Variants in RBFOX1 observed in about 807,000 individuals in gnomAD.
RBFOX1 encodes RNA binding protein fox-1 homolog 1.
Under a neutral mutation model 57.7 loss-of-function variants are expected in RBFOX1, and 8 were observed. The observed-to-expected ratio is 0.14, with a 90% CI of 0.08 to 0.25. RBFOX1 has a LOEUF of 0.25. Among genes scored for constraint, RBFOX1 ranks in the 10% least tolerant of loss-of-function variants. RBFOX1 has a pLI of 1.00. For missense variants in RBFOX1, 611 were observed against 548.5 expected (o/e 1.11, Z -1.14); for synonymous variants, 326 against 222.4 (o/e 1.47, Z -4.15).
Position 7,401,224 on chromosome 16 carries a change from TTC to T in RBFOX1, c.28-116917_28-116916del, listed in dbSNP as rs574400716. 9.2e-5 allele frequency among the ~76,000 whole-genome samples: 14 copies of T among 152,354 alleles called. No individual in the cohort carries two copies. The South Asian group carries it at 2.7e-3, about 29-fold the overall frequency. ...TCACACAGTAGTTGGCGTAAAACCA[TTC>T]TCTCTGTGAAAGAAGTCAAACTACA... On this transcript the variant is annotated intron_variant, in intron 4 of 15. Transcript: ENST00000550418.
intron 1 of RBFOX1, among the ~76,000 whole-genome samples, chr16:6,026,417 C>G (rs903471245): frequency 6.6e-5 from 10 of 152,200 alleles, no homozygotes; most frequent in Non-Finnish European, 1.5e-4. Flanking sequence ...AGCAATTTGT[C>G]CAAGGACACA....
chr16:7,554,984 T>G (rs748278008), intron 5 of RBFOX1, among the ~76,000 whole-genome samples: 1 of 152,206 alleles, frequency 6.6e-6, no homozygotes, highest in Non-Finnish European at 1.5e-5. Flanking sequence ...TGTTTATTAT[T>G]TAGCATTTAG....
chr16:6,952,749 G>C (rs866845974), intron 3 of RBFOX1, among the ~76,000 whole-genome samples: 2 of 152,136 alleles, frequency 1.3e-5, no homozygotes, highest in African/African-American at 4.8e-5. Flanking sequence ...AATCTGAAGC[G>C]GGCGGATCAC....
At chr16:7,091,478 T>G (rs1344372809) in intron 4 of RBFOX1, among the ~76,000 whole-genome samples, 1 of 151,430 alleles carries the variant, frequency 6.6e-6, no homozygotes, top group Admixed American at 6.6e-5. Flanking sequence ...GGGGAGAGAG[T>G]TATGCCAGGC....
chr16:7,584,355 C>A (rs1330556096), intron 6 of RBFOX1, among the ~76,000 whole-genome samples: 1 of 152,154 alleles, frequency 6.6e-6, no homozygotes, highest in African/African-American at 2.4e-5. Context: ...TGCAATGGCA[C>A]AATCTTGGTT....
chr16:6,542,713 T>G (rs1461093651), intron 2 of RBFOX1, among the ~76,000 whole-genome samples: 1 of 146,338 alleles, frequency 6.8e-6, no homozygotes, highest in African/African-American at 2.5e-5. Context: ...AGGATGGTGT[T>G]GATCTCCTGA....
intron 2 of RBFOX1, among the ~76,000 whole-genome samples, chr16:6,351,755 A>T (rs139718726): frequency 6.6e-6 from 1 of 152,166 alleles, no homozygotes; most frequent in Non-Finnish European, 1.5e-5. Flanking sequence ...TTTGAATTGT[A>T]TTCTCATATA....
chr16:6,136,049 C>T (rs1274550222), intron 1 of RBFOX1, among the ~76,000 whole-genome samples: 1 of 152,114 alleles, frequency 6.6e-6, no homozygotes, highest in South Asian at 2.1e-4. Context: ...CTTGCCTTGG[C>T]CTCCCAACGT....
intron 4 of RBFOX1, among the ~76,000 whole-genome samples, chr16:5,900,957 A>G (rs1159618662): frequency 6.6e-6 from 1 of 152,214 alleles, no homozygotes; most frequent in Non-Finnish European, 1.5e-5. Flanking sequence ...CAGTGGCTCT[A>G]TCTCAGAGGT....
chr16:5,604,316 G>T (rs2047481029), downstream of RBFOX1, among the ~76,000 whole-genome samples: 1 of 152,198 alleles, frequency 6.6e-6, no homozygotes, highest in African/African-American at 2.4e-5. Flanking sequence ...TCTCTGCTTA[G>T]GTTCTCACCA....
At chr16:5,513,387 G>C (rs973359010) in intron 2 of RBFOX1, among the ~76,000 whole-genome samples, 1 of 152,104 alleles carries the variant, frequency 6.6e-6, no homozygotes, top group Non-Finnish European at 1.5e-5. Flanking sequence ...CATATCGAGG[G>C]TGCCAACTAC....
chr16:5,751,006 C>G (rs908292830), intron 3 of RBFOX1, among the ~76,000 whole-genome samples: 2 of 152,100 alleles, frequency 1.3e-5, no homozygotes, highest in African/African-American at 4.8e-5. Context: ...TGGAACCCAC[C>G]AATTTTTGTA....
intron 2 of RBFOX1, among the ~76,000 whole-genome samples, chr16:5,542,025 C>T (rs1486269632): frequency 2.6e-5 from 4 of 152,162 alleles, no homozygotes; most frequent in South Asian, 4.1e-4. Context: ...TGTTCACTTG[C>T]GATCAAAATA....
At chr16:5,248,987 C>CAAAAAAAAAAA in intron 1 of RBFOX1, among the ~76,000 whole-genome samples, 1 of 63,334 alleles carries the variant, frequency 1.6e-5, no homozygotes, top group Non-Finnish European at 2.7e-5. Flanking sequence ...GACTCCATCT[C>CAAAAAAAAAAA]AAAAAAAAAA....
chr16:7,125,055 T>C (rs537647524), intron 4 of RBFOX1, among the ~76,000 whole-genome samples: 10 of 152,238 alleles, frequency 6.6e-5, no homozygotes, highest in Admixed American at 2.6e-4. Flanking sequence ...CATTGAGGTT[T>C]GGATGAAGAG....
In RBFOX1 at chr16:5,729,782, C is replaced by T. The variant is rs544430283; in HGVS notation, c.318+130821C>T. On this transcript the variant is annotated intron_variant, in intron 3 of 19. Coordinates refer to the RBFOX1 transcript ENST00000641259. ...CAGACACCACTCTAGCTGGTTTCTC[C>T]AAGTGTTAAGGTGAATAGCAAGGTT... Among the ~76,000 whole-genome samples, 5 of 152,270 alleles carry T rather than the reference C, an allele frequency of 3.3e-5. No individual in the cohort carries two copies. The South Asian group carries it at 1.0e-3, about 32-fold the overall frequency.
At chr16:5,706,461 C>A (rs1160589883) in intron 3 of RBFOX1, among the ~76,000 whole-genome samples, 1 of 152,124 alleles carries the variant, frequency 6.6e-6, no homozygotes, top group East Asian at 1.9e-4. Context: ...GTCATTTATG[C>A]TGGGTGAGTC....
intron 3 of RBFOX1, among the ~76,000 whole-genome samples, chr16:6,848,441 A>C (rs758689604): frequency 1.3e-5 from 2 of 152,176 alleles, no homozygotes; most frequent in African/African-American, 2.4e-5. Context: ...TGTTGACCAC[A>C]CATGGCCAGC....
At chr16:7,691,689 C>T (rs1598217691) in intron 14 of RBFOX1, among the ~76,000 whole-genome samples, 1 of 152,090 alleles carries the variant, frequency 6.6e-6, no homozygotes, top group East Asian at 1.9e-4. Context: ...CTGTTTTTGT[C>T]TCCAAGTGGC....
Sources: allele counts gnomAD v4.1 joint callset (sites outside exome capture counted in the v4.1 genomes callset), GRCh38; gene constraint gnomAD v4.1.1; transcripts MANE v1.5; gene names NCBI Gene and HGNC (gene_info 2026-07-23, HGNC 2026-07-21).